CEMIP: variants seen among roughly 807,000 people sequenced by gnomAD.
CEMIP encodes cell migration-inducing and hyaluronan-binding protein.
Under a neutral mutation model 156.9 loss-of-function variants are expected in CEMIP, and 105 were observed. The observed-to-expected ratio is 0.67, with a 90% CI of 0.57 to 0.79. The LOEUF (loss-of-function observed/expected upper bound fraction) is 0.79, where lower values mean the gene tolerates loss of function less well. Among genes scored for constraint, CEMIP ranks in the 30% least tolerant of loss-of-function variants. The pLI is 0.00. For missense variants in CEMIP, 1,457 were observed against 1,769.4 expected, an observed-to-expected ratio of 0.82 and a Z score of 3.17; for synonymous variants, 676 against 668.4, an observed-to-expected ratio of 1.01 and a Z score of -0.17.
intron 12 of CEMIP, 120 bp downstream of exon 12, chr15:80,896,180 C>CAA (rs142807800): frequency 2.4e-5 from 24 of 1,017,800 alleles, no homozygotes; most frequent in Admixed American, 2.2e-4. Flanking sequence ...TGCTGCATAA[C>CAA]AAAAAAAATC....
At chr15:80,914,545 C>A (rs1490651217) in intron 14 of CEMIP, among the ~76,000 whole-genome samples, 3 of 152,188 alleles carry the variant, frequency 2.0e-5, no homozygotes, top group African/African-American at 7.2e-5. Context: ...ACACATCCTC[C>A]CTCTGGCATT....
In CEMIP at chr15:80,925,770, C is replaced by T. The variant is rs374370234; in HGVS notation, c.2420+15C>T. ...GACAGCTGCCGGTGAGTCAGAGCGG[C>T]GTGTGGCTTTGGCACAAAGGGGGCA... On this transcript the variant is annotated intron_variant, in intron 19 of 29. Coordinates refer to ENST00000394685, the MANE Select transcript of CEMIP (RefSeq NM_001293298.2). 401 of 1,610,038 alleles carry T rather than the reference C, an allele frequency of 2.5e-4. No homozygotes were observed. Among genetic ancestry groups the T allele is most frequent in the Middle Eastern group, 3.4e-4 (2 of 5,896 alleles).
chr15:80,840,676 C>T (rs907685947), intron 1 of CEMIP, among the ~76,000 whole-genome samples: 2 of 152,210 alleles, frequency 1.3e-5, no homozygotes, highest in Non-Finnish European at 2.9e-5. Flanking sequence ...GCGTGGGAGG[C>T]CGGCCCTGGG....
intron 1 of CEMIP, among the ~76,000 whole-genome samples, chr15:80,841,498 A>C (rs1356324116): frequency 6.6e-6 from 1 of 152,216 alleles, no homozygotes; most frequent in Non-Finnish European, 1.5e-5. Context: ...GTTGGTACAG[A>C]CATGGGGGAA....
rs147292056 is a variant in CEMIP, at chr15:80,901,795, C to T, written c.1412-4868C>T. Among the ~76,000 whole-genome samples, 209 of 152,130 alleles carry T rather than the reference C, an allele frequency of 1.4e-3. 3 individuals are homozygous for T. In the East Asian group the frequency reaches 0.021, roughly 15 times the overall value. On this transcript the variant is annotated intron_variant, in intron 12 of 29. Transcript: ENST00000394685. Reference sequence around the variant, plus strand: ...GACTAGTGGCTACCATACTGGACAACGCAGAATAGAGCATTTCCTTCATCA... The same window carrying T: ...GACTAGTGGCTACCATACTGGACAATGCAGAATAGAGCATTTCCTTCATCA...
intron 1 of CEMIP, among the ~76,000 whole-genome samples, chr15:80,827,170 T>C (rs1383651761): frequency 6.6e-6 from 1 of 152,182 alleles, no homozygotes; most frequent in Non-Finnish European, 1.5e-5. Flanking sequence ...CCAGTGATGA[T>C]TTTGTTCCAC....
At chr15:80,911,662 G>A (rs760631942) in intron 14 of CEMIP, among the ~76,000 whole-genome samples, 26 of 152,246 alleles carry the variant, frequency 1.7e-4, no homozygotes, top group Admixed American at 2.6e-4. Context: ...GTGCTGTGGA[G>A]AATGTGATGG....
intron 6 of CEMIP, among the ~76,000 whole-genome samples, chr15:80,883,284 G>T (rs1333292187): frequency 6.6e-6 from 1 of 152,016 alleles, no homozygotes; most frequent in African/African-American, 2.4e-5. Context: ...TCTCACCAGG[G>T]GTATAGATTT....
chr15:80,829,235 AGGGGCTTGTCTTTCCCGCTT>A (rs2141673557), intron 1 of CEMIP, among the ~76,000 whole-genome samples: 1 of 152,250 alleles, frequency 6.6e-6, no homozygotes, highest in East Asian at 1.9e-4. Flanking sequence ...TTAGAGGTTG[AGGGGCTTGTCTTTCCCGCTT>A]GGGCCCTTCC....
chr15:80,822,326 A>C (rs1896930031), intron 1 of CEMIP, among the ~76,000 whole-genome samples: 1 of 152,146 alleles, frequency 6.6e-6, no homozygotes, highest in Non-Finnish European at 1.5e-5. Context: ...GAGACCTTGC[A>C]GGAAGTGAGG....
intron 25 of CEMIP, among the ~76,000 whole-genome samples, chr15:80,938,425 TG>T (rs1447012579): frequency 2.6e-5 from 4 of 152,082 alleles, no homozygotes; most frequent in African/African-American, 7.2e-5. Flanking sequence ...GCCAACATGG[TG>T]AAACCCCGTC....
intron 12 of CEMIP, among the ~76,000 whole-genome samples, chr15:80,898,514 T>C (rs1280154412): frequency 1.3e-5 from 2 of 152,216 alleles, no homozygotes; most frequent in African/African-American, 4.8e-5. Flanking sequence ...ATTCTGCTCC[T>C]TTGGGACATG....
intron 1 of CEMIP, among the ~76,000 whole-genome samples, chr15:80,817,620 T>G (rs1896817152): frequency 6.8e-6 from 1 of 147,824 alleles, no homozygotes; most frequent in African/African-American, 2.5e-5. Flanking sequence ...ATAATAATAA[T>G]AATAATAATA....
chr15:80,940,518 C>T (rs775810530), intron 25 of CEMIP, among the ~76,000 whole-genome samples: 3 of 152,166 alleles, frequency 2.0e-5, no homozygotes, highest in Non-Finnish European at 4.4e-5. Flanking sequence ...GGGTGCTCAC[C>T]TGCCTCCCCA....
chr15:80,866,041 C>A (rs147809885), intron 1 of CEMIP, among the ~76,000 whole-genome samples: 1 of 152,166 alleles, frequency 6.6e-6, no homozygotes, highest in African/African-American at 2.4e-5. Context: ...TCAGAGCTAC[C>A]TTTCTCCCAG....
At chr15:80,838,114 G>A (rs749989523) in intron 1 of CEMIP, among the ~76,000 whole-genome samples, 1 of 152,198 alleles carries the variant, frequency 6.6e-6, no homozygotes, top group Non-Finnish European at 1.5e-5. Context: ...CCTGCGATGT[G>A]GAAGTGTGAT....
intron 1 of CEMIP, among the ~76,000 whole-genome samples, chr15:80,806,015 T>C (rs1257390822): frequency 1.3e-5 from 2 of 152,212 alleles, no homozygotes; most frequent in Non-Finnish European, 2.9e-5. Context: ...CAATTGCTGG[T>C]TAATGGAATA....
chr15:80,906,904 A>C lies in CEMIP; in HGVS notation c.1587+66A>C. The C allele has an allele frequency of 1.6e-5, 24 of 1,526,714 alleles. No homozygotes were observed. In the South Asian group the frequency reaches 2.4e-4, roughly 15 times the overall value. 94.6% of individuals were successfully genotyped at this position (1,526,714 alleles called of 1,614,324 possible). On this transcript the variant is annotated intron_variant, in intron 13 of 29. Transcript: ENST00000394685. This position sits in a 1 kb window ranked among gnomAD's most constrained non-coding sequence, Gnocchi z 4.3. ...GAGTTCCTATGATGTCAGCCTCTAGACGGGCCTTCTTGGTAGGGATGAGGG... is the reference window on the plus strand; with the variant it reads ...GAGTTCCTATGATGTCAGCCTCTAGCCGGGCCTTCTTGGTAGGGATGAGGG...
At chr15:80,889,961 G>C (rs2097941646) in intron 10 of CEMIP, among the ~76,000 whole-genome samples, 1 of 152,194 alleles carries the variant, frequency 6.6e-6, no homozygotes, top group African/African-American at 2.4e-5. Context: ...TGCAGGCCAG[G>C]CCAGCCCAGA....
Sources: gnomAD v4.1 joint callset for allele counts (sites outside exome capture counted in the v4.1 genomes callset) on GRCh38, gnomAD v4.1.1 for gene constraint, Gnocchi (gnomAD v3.1) non-coding constraint, MANE v1.5 for transcripts, NCBI Gene and HGNC (gene_info 2026-07-23, HGNC 2026-07-21) for gene names.